Variants in SLC29A3 observed in about 807,000 individuals in gnomAD.
SLC29A3 encodes the protein solute carrier family 29 member 3, also known as equilibrative nucleoside transporter 3.
In SLC29A3, 18 loss-of-function variants were observed where a neutral mutation model predicts 25.4. That is an observed-to-expected ratio of 0.71 (90% CI 0.49 to 1.05). The LOEUF is 1.05. SLC29A3 is among the 50% of genes least tolerant of loss of function. SLC29A3 has a pLI of 0.00. For missense variants in SLC29A3, 586 were observed against 609.0 expected, an observed-to-expected ratio of 0.96 and a Z score of 0.40; for synonymous variants, 258 against 267.1, an observed-to-expected ratio of 0.97 and a Z score of 0.33.
chr10:71,355,143 C>T (rs139750376), intron 4 of SLC29A3, among the ~76,000 whole-genome samples: 2,571 of 152,308 alleles, frequency 0.017, 60 homozygotes, highest in Middle Eastern at 0.017. Flanking sequence ...CTCAAAGCAA[C>T]ACACAGGGCA....
At chr10:71,367,323 C>T (rs912334762), downstream of SLC29A3, among the ~76,000 whole-genome samples, 1 of 152,166 alleles carries the variant, frequency 6.6e-6, no homozygotes, top group Non-Finnish European at 1.5e-5. Context: ...GGTTGTGGGA[C>T]ATGAGACAGA....
At chr10:71,367,595 T>C (rs1847180137), downstream of SLC29A3, among the ~76,000 whole-genome samples, 1 of 152,146 alleles carries the variant, frequency 6.6e-6, no homozygotes, top group Non-Finnish European at 1.5e-5. Flanking sequence ...TGCCACCAGG[T>C]TTCTGCCACT....
At chr10:71,352,335 A>C (rs775216829) in intron 4 of SLC29A3, among the ~76,000 whole-genome samples, 3 of 151,990 alleles carry the variant, frequency 2.0e-5, no homozygotes, top group Admixed American at 6.6e-5. Flanking sequence ...CCTCTGGGAG[A>C]GTATGAAAGT....
intron 5 of SLC29A3, among the ~76,000 whole-genome samples, chr10:71,358,952 C>T (rs1046165040): frequency 6.6e-6 from 1 of 152,066 alleles, no homozygotes; most frequent in African/African-American, 2.4e-5. Flanking sequence ...ACTCTGTCGC[C>T]CAGGTTGGAG....
chr10:71,324,879 T>TG (rs1049757231), intron 2 of SLC29A3, among the ~76,000 whole-genome samples: 1 of 151,966 alleles, frequency 6.6e-6, no homozygotes, highest in Non-Finnish European at 1.5e-5. Context: ...AAGTCAGGAC[T>TG]GGGGGGTCGG....
exon 5 of SLC29A3, chr10:71,381,293 C>T (rs888940907): frequency 1.3e-5 from 2 of 152,096 alleles, no homozygotes; most frequent in Admixed American, 6.6e-5. Flanking sequence ...CTGTGCACAA[C>T]GTGGGGGCAG....
At chr10:71,337,956 T>C (rs1400602566) in intron 2 of SLC29A3, among the ~76,000 whole-genome samples, 1 of 152,198 alleles carries the variant, frequency 6.6e-6, no homozygotes, top group African/African-American at 2.4e-5. Context: ...ACTGGGTCAG[T>C]GTAGCAAATG....
rs1176077328 is a variant in SLC29A3 at position 71,351,594 on chromosome 10, T to C, written c.416T>C (p.Leu139Pro). ...GTCCACATCCGTGTCCTGGCCTCAC[T>C]GACGGTCATCCTGGCCATCTTCATG... Reference protein sequence around the residue: ...VAVHIRVLASLTVILAIFMVI... With the variant: ...VAVHIRVLASPTVILAIFMVI... The change falls in exon 4 of 6, where the codon CTG becomes CCG. Residue 139 changes from leucine (L) to proline (P), a missense_variant. Physicochemically the swap from Leu to Pro is moderately conservative, Grantham distance 98. Transcript: ENST00000373189. 6.2e-7 allele frequency: 1 copy of C among 1,614,254 alleles called. No homozygotes were observed. The highest frequency in any genetic ancestry group is 1.7e-5 in the Admixed American group (1 of 60,030).
In SLC29A3 at chr10:71,331,896, C is replaced by T. The variant is rs530161762; in HGVS notation, c.300+8842C>T. On this transcript the variant is annotated intron_variant, in intron 2 of 5. Coordinates refer to ENST00000373189, the MANE Select transcript of SLC29A3 (RefSeq NM_018344.6). Reference sequence around the variant, plus strand: ...GATTTCCTGGGACACTTGCCAAATACCCGGATTCCTAGACCCTTCCCTGAT... The same window carrying T: ...GATTTCCTGGGACACTTGCCAAATATCCGGATTCCTAGACCCTTCCCTGAT... Among the ~76,000 whole-genome samples, 11 of 152,254 alleles carry T rather than the reference C, an allele frequency of 7.2e-5. No individual in the cohort carries two copies. In the East Asian group the frequency reaches 2.1e-3, roughly 30 times the overall value.
At chr10:71,345,590 A>G (rs913705171) in intron 3 of SLC29A3, among the ~76,000 whole-genome samples, 2 of 152,260 alleles carry the variant, frequency 1.3e-5, no homozygotes, top group Non-Finnish European at 2.9e-5. Context: ...TCTCCAAACC[A>G]AAGTGCAGTC....
chr10:71,343,929 G>A (rs1284859856), intron 2 of SLC29A3, among the ~76,000 whole-genome samples: 1 of 152,214 alleles, frequency 6.6e-6, no homozygotes, highest in East Asian at 1.9e-4. Context: ...GGGCTGCACA[G>A]CACCAAGGGC....
intron 2 of SLC29A3, among the ~76,000 whole-genome samples, chr10:71,341,247 G>A (rs534674827): frequency 8.5e-5 from 13 of 152,330 alleles, no homozygotes; most frequent in Non-Finnish European, 1.8e-4. Flanking sequence ...GGTGGCAGCA[G>A]TGGCAGTGAT....
chr10:71,327,944 G>A (rs1330971608), intron 2 of SLC29A3, among the ~76,000 whole-genome samples: 1 of 152,018 alleles, frequency 6.6e-6, no homozygotes, highest in Non-Finnish European at 1.5e-5. Flanking sequence ...CCCTCCCCCA[G>A]GCTCTCCTGC....
chr10:71,351,705 G>A lies in SLC29A3; in HGVS notation c.527G>A (p.Ser176Asn), dbSNP rs1469107230. The part of the protein sequence containing the change: ...AVTIVCMVIL[S>N]GASTVFSSSI... Reference sequence around the variant, plus strand: ...ACCATTGTCTGCATGGTGATCCTCAGCGGTGCCTCCACTGTCTTCAGCAGC... The same window carrying A: ...ACCATTGTCTGCATGGTGATCCTCAACGGTGCCTCCACTGTCTTCAGCAGC... Residue 176 changes from serine (S) to asparagine (N), a missense_variant, in exon 4 of 6, where the codon AGC (serine) becomes AAC (asparagine). Physicochemically the swap from Ser to Asn is conservative, Grantham distance 46 (BLOSUM62 1). Coordinates refer to ENST00000373189, the MANE Select transcript of SLC29A3 (RefSeq NM_018344.6). The A allele has an allele frequency of 6.2e-7, 1 of 1,614,204 alleles. No individual in the cohort carries two copies. Among genetic ancestry groups the A allele is most frequent in the Non-Finnish European group, 8.5e-7 (1 of 1,180,044 alleles).
rs1015509600 is a variant in SLC29A3, at chr10:71,362,776, C to A, written c.*168C>A. ...GATGCCAGTGAGCCACGTCCATGCC[C>A]ATTCCGTGCAAGGCAGATATTCCAG... On this transcript the variant is annotated 3_prime_UTR_variant, in exon 6 of 6. Coordinates refer to ENST00000373189, the MANE Select transcript of SLC29A3 (RefSeq NM_018344.6). 1.2e-6 allele frequency: 1 copy of A among 804,702 alleles called. No individual in the cohort carries two copies. The highest frequency in any genetic ancestry group is 2.0e-5 in the Admixed American group (1 of 50,232). 49.8% of individuals were successfully genotyped at this position (804,702 alleles called of 1,614,324 possible).
chr10:71,335,952 A>G (rs2131814473), intron 2 of SLC29A3, among the ~76,000 whole-genome samples: 1 of 152,002 alleles, frequency 6.6e-6, no homozygotes, highest in East Asian at 1.9e-4. Flanking sequence ...AGAGATGATG[A>G]GGAAGTGTGG....
At chr10:71,331,978 C>A (rs1196303693) in intron 2 of SLC29A3, among the ~76,000 whole-genome samples, 1 of 152,094 alleles carries the variant, frequency 6.6e-6, no homozygotes, top group East Asian at 1.9e-4. Context: ...CTGTTGCCAG[C>A]TGGCCAGGGG....
chr10:71,359,544 T>G (rs1847002621), intron 5 of SLC29A3, among the ~76,000 whole-genome samples: 1 of 152,152 alleles, frequency 6.6e-6, no homozygotes, highest in African/African-American at 2.4e-5. Flanking sequence ...AGACAGGGCT[T>G]TTGGCTGAAG....
At chr10:71,326,893 G>A (rs79625484) in intron 2 of SLC29A3, among the ~76,000 whole-genome samples, 3,361 of 152,274 alleles carry the variant, frequency 0.022, 128 homozygotes, top group African/African-American at 0.077. Context: ...ATTGGGAAGC[G>A]AGCATGCTGA....
Sources: allele counts gnomAD v4.1 joint callset (sites outside exome capture counted in the v4.1 genomes callset), GRCh38; gene constraint gnomAD v4.1.1; transcripts MANE v1.5; gene names NCBI Gene and HGNC (gene_info 2026-07-23, HGNC 2026-07-21).